Variants in DCAF5 observed in about 807,000 individuals in gnomAD.
DCAF5 encodes DDB1- and CUL4-associated factor 5.
DCAF5 carries 9 observed loss-of-function variants against 80.7 expected under a neutral mutation model. That is an observed-to-expected ratio of 0.11 (90% CI 0.07 to 0.19). The LOEUF is 0.19. Among genes scored for constraint, DCAF5 ranks in the 10% least tolerant of loss-of-function variants. The probability of loss-of-function intolerance (pLI) is 1.00; values close to 1 mark genes in which losing one functional copy is unlikely to be tolerated. For synonymous variants in DCAF5, 433 were observed against 461.9 expected, an observed-to-expected ratio of 0.94 and a Z score of 0.80; for missense variants, 842 against 1,205.7, an observed-to-expected ratio of 0.70 and a Z score of 4.47.
chr14:69,103,820 G>C (rs1418899590), intron 5 of DCAF5, among the ~76,000 whole-genome samples: 1 of 152,152 alleles, frequency 6.6e-6, no homozygotes, highest in African/African-American at 2.4e-5. Context: ...CTTATCTTGA[G>C]AATTATATCA....
chr14:69,152,573 T>TA lies in DCAF5; in HGVS notation c.214+191dup. 1 of 591,034 alleles carries TA rather than the reference T, an allele frequency of 1.7e-6. No individual in the cohort carries two copies. Among genetic ancestry groups the TA allele is most frequent in the Non-Finnish European group, 3.0e-6 (1 of 332,626 alleles). The allele number at this position is 591,034 out of a possible 1,614,324, so 36.6% of individuals were successfully genotyped here. On this transcript the variant is annotated intron_variant, in intron 1 of 8. Coordinates refer to ENST00000341516, the MANE Select transcript of DCAF5 (RefSeq NM_003861.3). The surrounding 1 kb of genome is among the most constrained non-coding windows in gnomAD (Gnocchi z 4.1). Reference sequence around the variant, plus strand: ...GCTGTCAACCATTTTAGGTCTTTTTTATAGAAGACATCCTCTCCTTCCCCT... The same window carrying TA: ...GCTGTCAACCATTTTAGGTCTTTTTTAATAGAAGACATCCTCTCCTTCCCCT...
At chr14:69,122,140 T>C (rs556024214) in intron 2 of DCAF5, 77 bp downstream of exon 2, 10 of 1,528,928 alleles carry the variant, frequency 6.5e-6, no homozygotes, top group Non-Finnish European at 8.1e-6. Context: ...GGAAGAAAAA[T>C]AAGGAGTTAT....
chr14:69,078,262 A>C (rs1472989942), intron 6 of DCAF5, among the ~76,000 whole-genome samples: 1 of 152,220 alleles, frequency 6.6e-6, no homozygotes, highest in Non-Finnish European at 1.5e-5. Context: ...GCCATATACA[A>C]ATGGCCACTA....
intron 7 of DCAF5, among the ~76,000 whole-genome samples, chr14:69,072,098 C>G (rs1313645669): frequency 2.0e-5 from 3 of 152,120 alleles, no homozygotes; most frequent in African/African-American, 7.2e-5. Context: ...ACCCACAGCC[C>G]CATTTCCCTA....
At chr14:69,115,252 G>A (rs942082583) in intron 5 of DCAF5, among the ~76,000 whole-genome samples, 2 of 152,196 alleles carry the variant, frequency 1.3e-5, no homozygotes, top group African/African-American at 4.8e-5. Flanking sequence ...CTACGCAACA[G>A]AAGGGGCAGG....
At chr14:69,072,646 C>T (rs951475905) in intron 7 of DCAF5, among the ~76,000 whole-genome samples, 2 of 114,518 alleles carry the variant, frequency 1.7e-5, no homozygotes, top group South Asian at 2.7e-4. Context: ...AAAAAAAAAA[C>T]GAGAGAAAAG....
intron 5 of DCAF5, among the ~76,000 whole-genome samples, chr14:69,104,869 A>T (rs544832856): frequency 6.6e-6 from 1 of 152,116 alleles, no homozygotes; most frequent in African/African-American, 2.4e-5. Context: ...AAAAAAAAAA[A>T]AAGTGAGAGA....
rs562039605 is a variant in DCAF5 at position 69,117,349 on chromosome 14, A to T, written c.535+790T>A. Among the ~76,000 whole-genome samples the T allele has an allele frequency of 5.9e-5, 9 of 152,336 alleles. No individual in the cohort carries two copies. In the South Asian group the frequency reaches 1.9e-3, roughly 32 times the overall value. On this transcript the variant is annotated intron_variant, in intron 4 of 8. Coordinates refer to ENST00000341516, the MANE Select transcript of DCAF5 (RefSeq NM_003861.3). ...AAAAACAAGCTTCTCTTATAGCCTG[A>T]ACCTAAATAATGAGCACAGCCCAGA...
rs2037953201 is a variant in DCAF5, at chr14:69,055,920, C to T, written c.1075-309G>A. Among the ~76,000 whole-genome samples the T allele has an allele frequency of 6.6e-6, 1 of 152,152 alleles. No homozygotes were observed. Among genetic ancestry groups the T allele is most frequent in the Admixed American group, 6.5e-5 (1 of 15,274 alleles). ...AATCACATACTTTCTCCACCAGAAT[C>T]TTCCTCCCTTTTAGTTTCATCTATT... On this transcript the variant is annotated intron_variant, in intron 8 of 8. Transcript: ENST00000341516. The surrounding 1 kb of genome is among the most constrained non-coding windows in gnomAD (Gnocchi z 5.6).
At chr14:69,115,162 A>G (rs141293340) in intron 5 of DCAF5, among the ~76,000 whole-genome samples, 89 of 152,314 alleles carry the variant, frequency 5.8e-4, no homozygotes, top group African/African-American at 2.0e-3. Flanking sequence ...CAAGCCTCCT[A>G]AAGTTCATAG....
At chr14:69,103,007 C>T (rs2040017299) in intron 5 of DCAF5, among the ~76,000 whole-genome samples, 1 of 152,156 alleles carries the variant, frequency 6.6e-6, no homozygotes, top group African/African-American at 2.4e-5. Flanking sequence ...TACATTATGA[C>T]AGCTACATTA....
chr14:69,153,030 C>G lies in DCAF5; in HGVS notation c.-52G>C. On this transcript the variant is annotated 5_prime_UTR_variant, in exon 1 of 9. Transcript: ENST00000341516. Reference sequence around the variant, plus strand: ...CGCCGCCGCCCCTCCCTCGGCCTCACGCGCGGCCGCTGCTCCCCCCACCCG... The same window carrying G: ...CGCCGCCGCCCCTCCCTCGGCCTCAGGCGCGGCCGCTGCTCCCCCCACCCG... The G allele has an allele frequency of 7.2e-7, 1 of 1,391,672 alleles. No homozygotes were observed. The highest frequency in any genetic ancestry group is 9.4e-7 in the Non-Finnish European group (1 of 1,065,964). 86.2% of individuals were successfully genotyped at this position (1,391,672 alleles called of 1,614,324 possible).
chr14:69,115,092 A>G (rs2040500374), intron 5 of DCAF5, among the ~76,000 whole-genome samples: 1 of 152,212 alleles, frequency 6.6e-6, no homozygotes, highest in Admixed American at 6.5e-5. Flanking sequence ...AGTTGTTCCT[A>G]AAGAGCCTGA....
chr14:69,119,311 T>C, intron 2 of DCAF5, 81 bp from the exon 3 acceptor site: 1 of 1,454,936 alleles, frequency 6.9e-7, no homozygotes, highest in East Asian at 2.3e-5. Flanking sequence ...TTTTAAGTTT[T>C]CAGGGAAAAA....
chr14:69,145,583 T>A lies in DCAF5; in HGVS notation c.214+7182A>T, dbSNP rs2041512309. Among the ~76,000 whole-genome samples, 5 of 152,260 alleles carry A rather than the reference T, an allele frequency of 3.3e-5. No homozygotes were observed. The South Asian group carries it at 1.0e-3, about 32-fold the overall frequency. ...ATCAAAAAATTTAAAGGACAGGGAA[T>A]TGAGTAGAAAAGAAATAGAATTTCA... On this transcript the variant is annotated intron_variant, in intron 1 of 8. Transcript: ENST00000341516.
chr14:69,097,582 A>ATTTTTTT (rs755644268), intron 5 of DCAF5, among the ~76,000 whole-genome samples: 5 of 125,302 alleles, frequency 4.0e-5, no homozygotes, highest in African/African-American at 6.0e-5. Context: ...TATTATTATT[A>ATTTTTTT]TTTTTTTTTT....
chr14:69,062,288 T>C lies in DCAF5; in HGVS notation c.1074+96A>G, dbSNP rs1009461316. On this transcript the variant is annotated intron_variant, in intron 8 of 8. Coordinates refer to ENST00000341516, the MANE Select transcript of DCAF5 (RefSeq NM_003861.3). ...TGAGAATTCTGATAGACCTTTAGTA[T>C]GTTTAAATATGAGGTCCTACATAAA... 4 of 1,284,772 alleles carry C rather than the reference T, an allele frequency of 3.1e-6. No homozygotes were observed. In the Admixed American group the frequency reaches 8.6e-5, roughly 28 times the overall value. The allele number at this position is 1,284,772 out of a possible 1,614,324, so 79.6% of individuals were successfully genotyped here.
At chr14:69,076,438 A>G (rs970864810) in intron 6 of DCAF5, among the ~76,000 whole-genome samples, 1 of 152,266 alleles carries the variant, frequency 6.6e-6, no homozygotes, top group Non-Finnish European at 1.5e-5. Context: ...AATACATACA[A>G]TGGAATATTA....
chr14:69,143,985 A>G (rs971507646), intron 1 of DCAF5: 1 of 152,368 alleles, frequency 6.6e-6, no homozygotes, highest in Non-Finnish European at 1.5e-5. Flanking sequence ...ACAAATAATG[A>G]ATTCTATTTT....
Sources: gnomAD v4.1 joint callset for allele counts (sites outside exome capture counted in the v4.1 genomes callset) on GRCh38, gnomAD v4.1.1 for gene constraint, Gnocchi (gnomAD v3.1) non-coding constraint, MANE v1.5 for transcripts, NCBI Gene and HGNC (gene_info 2026-07-23, HGNC 2026-07-21) for gene names.